CUL1: variants seen among roughly 807,000 people sequenced by gnomAD.
The protein encoded by CUL1 is cullin-1.
A neutral mutation model predicts 118.0 loss-of-function variants in CUL1; 24 were observed. The observed-to-expected ratio is 0.20, with a 90% CI of 0.15 to 0.29. The LOEUF is 0.29. CUL1 is among the 10% of genes least tolerant of loss of function. The probability of loss-of-function intolerance (pLI) is 1.00; values close to 1 mark genes in which losing one functional copy is unlikely to be tolerated. For missense variants in CUL1, 361 were observed against 933.8 expected (o/e 0.39, Z 7.99); for synonymous variants, 332 against 340.4 (o/e 0.98, Z 0.27).
Position 148,790,316 on chromosome 7 carries a change from C to T in CUL1, c.1681C>T (p.Arg561Cys). The change falls in exon 16 of 22, where the codon CGT becomes TGT. Residue 561 changes from arginine to cysteine, a missense_variant. Around this residue, in one of 7 missense-constraint regions of CUL1, gnomAD observed 84 missense variants for 203.3 expected, o/e 0.41. Coordinates refer to ENST00000325222, the MANE Select transcript of CUL1 (RefSeq NM_003592.3). The part of the protein sequence containing the change: ...CTFALPSELE[R>C]SYQRFTAFYA... ...ATGCTGTCCTTTTATCTAGTTGGAACGTAGTTATCAGCGATTCACAGCTTT... is the reference window on the plus strand; with the variant it reads ...ATGCTGTCCTTTTATCTAGTTGGAATGTAGTTATCAGCGATTCACAGCTTT... The T allele has an allele frequency of 6.2e-7, 1 of 1,614,020 alleles. No individual in the cohort carries two copies. Among genetic ancestry groups the T allele is most frequent in the Non-Finnish European group, 8.5e-7 (1 of 1,179,978 alleles).
chr7:148,780,640 T>G (rs186492794), intron 9 of CUL1, among the ~76,000 whole-genome samples: 2 of 152,254 alleles, frequency 1.3e-5, no homozygotes, highest in Admixed American at 6.5e-5. Flanking sequence ...TGGGGGAAGT[T>G]TGGTGTGGAT....
In CUL1 at chr7:148,770,421, T is replaced by G. The variant is rs114277900; in HGVS notation, c.1083+2672T>G. Among the ~76,000 whole-genome samples the G allele has an allele frequency of 1.5e-3, 224 of 152,364 alleles. 2 individuals carry two copies. Among genetic ancestry groups the G allele is most frequent in the African/African-American group, 5.2e-3 (218 of 41,592 alleles). On this transcript the variant is annotated intron_variant, in intron 9 of 21. Coordinates refer to ENST00000325222, the MANE Select transcript of CUL1 (RefSeq NM_003592.3). ...TTTAGTAAGTTACTGATTCTAGTTATTATTTACATAAGCACTGTTTCTACA... is the reference window on the plus strand; with the variant it reads ...TTTAGTAAGTTACTGATTCTAGTTAGTATTTACATAAGCACTGTTTCTACA...
At chr7:148,709,075 A>G (rs1797971897) in intron 1 of CUL1, among the ~76,000 whole-genome samples, 1 of 152,188 alleles carries the variant, frequency 6.6e-6, no homozygotes, top group Non-Finnish European at 1.5e-5. Flanking sequence ...TGTAACTAGG[A>G]TAGTGATTCC....
intron 2 of CUL1, among the ~76,000 whole-genome samples, chr7:148,750,633 T>C (rs1799458707): frequency 6.6e-6 from 1 of 152,148 alleles, no homozygotes; most frequent in African/African-American, 2.4e-5. Context: ...CATGAACTCA[T>C]CCTTTTTTAT....
intron 17 of CUL1, among the ~76,000 whole-genome samples, chr7:148,794,197 GTCT>G (rs1028821733): frequency 2.0e-5 from 3 of 150,486 alleles, no homozygotes; most frequent in Admixed American, 1.3e-4. Context: ...TCTGTGGGTT[GTCT>G]TCTTACTTTC....
chr7:148,739,692 T>A (rs1434827680), intron 2 of CUL1, among the ~76,000 whole-genome samples: 1 of 152,246 alleles, frequency 6.6e-6, no homozygotes, highest in Non-Finnish European at 1.5e-5. Flanking sequence ...GCTAATCATT[T>A]TCTTAATGGT....
rs762885752 is a variant in CUL1 at position 148,799,335 on chromosome 7, G to A, written c.2197G>A (p.Glu733Lys). The change falls in exon 21 of 22, where the codon GAG (glutamate) becomes AAG (lysine). Residue 733 changes from glutamate to lysine, a missense_variant. This residue lies in a region of CUL1 where 24 missense variants were observed against 126.7 expected (regional missense o/e 0.19). Coordinates refer to ENST00000325222, the MANE Select transcript of CUL1 (RefSeq NM_003592.3). The part of the protein sequence containing the change: ...KVLKHQQLLG[E>K]VLTQLSSRFK... Reference sequence around the variant, plus strand: ...TCTGAAACACCAGCAGTTACTTGGCGAGGTCCTCACTCAGCTGTCCTCCAG... The same window carrying A: ...TCTGAAACACCAGCAGTTACTTGGCAAGGTCCTCACTCAGCTGTCCTCCAG... The A allele has an allele frequency of 1.2e-6, 2 of 1,614,114 alleles. No homozygotes were observed. Among genetic ancestry groups the A allele is most frequent in the Non-Finnish European group, 8.5e-7 (1 of 1,180,014 alleles).
intron 2 of CUL1, among the ~76,000 whole-genome samples, chr7:148,739,734 A>T (rs759358249): frequency 6.6e-6 from 1 of 152,020 alleles, no homozygotes; most frequent in Non-Finnish European, 1.5e-5. Flanking sequence ...TACTTTGGGG[A>T]AACCTAATTT....
chr7:148,774,524 A>G (rs1368115407), intron 9 of CUL1, among the ~76,000 whole-genome samples: 4 of 152,242 alleles, frequency 2.6e-5, no homozygotes. Flanking sequence ...AATGTTTAAC[A>G]CACAGTTGCT....
chr7:148,742,058 G>A (rs1391040510), intron 2 of CUL1, among the ~76,000 whole-genome samples: 2 of 152,142 alleles, frequency 1.3e-5, no homozygotes, highest in Non-Finnish European at 2.9e-5. Context: ...TGTTCTTTTT[G>A]TAGATTATTT....
chr7:148,783,432 A>T lies in CUL1; in HGVS notation c.1084-351A>T, dbSNP rs570155345. On this transcript the variant is annotated intron_variant, in intron 9 of 21. Coordinates refer to ENST00000325222, the MANE Select transcript of CUL1 (RefSeq NM_003592.3). ...TAAACGCCTTCTCCAGCTGAAACAG[A>T]GTCCAGAGTTCCACTGTTTAACAAG... The T allele has an allele frequency of 5.1e-5, 50 of 985,484 alleles. No individual in the cohort carries two copies. In the Admixed American group the frequency reaches 5.5e-4, roughly 11 times the overall value. 61.0% of individuals were successfully genotyped at this position (985,484 alleles called of 1,614,324 possible). A position where few individuals can be genotyped will look rare whatever the true frequency, so the allele number is the denominator to read the frequency against.
chr7:148,700,212 A>C (rs951777668), intron 1 of CUL1, among the ~76,000 whole-genome samples: 3 of 152,174 alleles, frequency 2.0e-5, no homozygotes, highest in African/African-American at 7.2e-5. Flanking sequence ...GTAGCATTAA[A>C]ATCGTCAAAA....
At chr7:148,791,629 G>T (rs980527745) in intron 16 of CUL1, among the ~76,000 whole-genome samples, 1 of 152,222 alleles carries the variant, frequency 6.6e-6, no homozygotes, top group East Asian at 1.9e-4. Flanking sequence ...TTAGCAACAC[G>T]CTCGTTCCCT....
At chr7:148,749,019 T>C (rs1289029937) in intron 2 of CUL1, among the ~76,000 whole-genome samples, 3 of 152,234 alleles carry the variant, frequency 2.0e-5, no homozygotes, top group African/African-American at 7.2e-5. Context: ...TCCTATACTT[T>C]CCATGTAGTA....
At chr7:148,768,213 A>C (rs961199227) in intron 9 of CUL1, among the ~76,000 whole-genome samples, 1 of 152,096 alleles carries the variant, frequency 6.6e-6, no homozygotes, top group Non-Finnish European at 1.5e-5. Flanking sequence ...CCAGGGCTAC[A>C]TAGAATATTC....
Position 148,784,050 on chromosome 7 carries a change from G to A in CUL1, c.1271G>A (p.Arg424Gln). 6.2e-7 allele frequency: 1 copy of A among 1,614,034 alleles called. No homozygotes were observed. The highest frequency in any genetic ancestry group is 8.5e-7 in the Non-Finnish European group (1 of 1,179,944). The change falls in exon 11 of 22, where the codon CGA (arginine) becomes CAA (glutamine). Residue 424 changes from arginine to glutamine, a missense_variant. This residue lies in a region of CUL1 where 169 missense variants were observed against 429.7 expected (regional missense o/e 0.39). Coordinates refer to ENST00000325222, the MANE Select transcript of CUL1 (RefSeq NM_003592.3). ...SSSKSPELLARYCDSLLKKSS... is the reference protein window; with the variant it reads ...SSSKSPELLAQYCDSLLKKSS... The stretch of plus-strand genomic sequence containing the variant: ...AGTAAATCCCCTGAGTTGCTGGCTC[G>A]ATACTGTGACTCCTTGTTGAAGAAA...
At chr7:148,799,443 T>A in intron 21 of CUL1, 55 bp downstream of exon 21, 8 of 1,259,208 alleles carry the variant, frequency 6.4e-6, no homozygotes, top group Admixed American at 5.6e-5. Flanking sequence ...AGATAAAAGA[T>A]GTAGCAAAAA....
chr7:148,736,742 C>G (rs1334012643), intron 2 of CUL1, among the ~76,000 whole-genome samples: 4 of 152,214 alleles, frequency 2.6e-5, no homozygotes, highest in African/African-American at 9.6e-5. Flanking sequence ...AAAACAACCT[C>G]AATCTTCAAT....
rs1801248295 is a variant in CUL1, at chr7:148,797,633, C to T, written c.1900-179C>T. ...TTCTAGAAGTCAGGGTGGAAGGAAG[C>T]AGTAAATTTAGTGAACTTCTAAGAA... On this transcript the variant is annotated intron_variant, in intron 17 of 21. Transcript: ENST00000325222. 2.0e-5 allele frequency among the ~76,000 whole-genome samples: 3 copies of T among 150,560 alleles called. No individual in the cohort carries two copies. In the South Asian group the frequency reaches 6.3e-4, roughly 32 times the overall value.
Sources: gnomAD v4.1 joint callset for allele counts (sites outside exome capture counted in the v4.1 genomes callset) on GRCh38, gnomAD v4.1.1 for gene constraint, gnomAD v4.1.1 regional missense constraint, MANE v1.5 for transcripts, NCBI Gene and HGNC (gene_info 2026-07-23, HGNC 2026-07-21) for gene names.